Variants in LRRC4C observed in about 807,000 individuals in gnomAD.
The protein encoded by LRRC4C is leucine rich repeat containing 4C.
LRRC4C carries 5 observed loss-of-function variants against 33.6 expected under a neutral mutation model. That is an observed-to-expected ratio of 0.15 (90% CI 0.08 to 0.31). The LOEUF is 0.31. Among genes scored for constraint, LRRC4C ranks in the 10% least tolerant of loss-of-function variants. LRRC4C has a pLI of 1.00. For missense variants in LRRC4C, 560 were observed against 796.7 expected (o/e 0.70, Z 3.58); for synonymous variants, 329 against 302.0 (o/e 1.09, Z -0.93).
intron 5 of LRRC4C, among the ~76,000 whole-genome samples, chr11:40,145,613 G>T (rs931647090): frequency 6.6e-6 from 1 of 152,104 alleles, no homozygotes; most frequent in Non-Finnish European, 1.5e-5. Flanking sequence ...TCATCCATTT[G>T]CCTTACCATA....
At chr11:40,837,961 G>A (rs914169364) in intron 2 of LRRC4C, among the ~76,000 whole-genome samples, 3 of 151,762 alleles carry the variant, frequency 2.0e-5, no homozygotes, top group Non-Finnish European at 4.4e-5. Context: ...ATATATTTTA[G>A]ACTTATAACA....
intron 1 of LRRC4C, among the ~76,000 whole-genome samples, chr11:40,988,208 T>G (rs1425296964): frequency 1.3e-5 from 2 of 152,144 alleles, no homozygotes; most frequent in African/African-American, 4.8e-5. Context: ...GGAGATATTT[T>G]CTCATCATCA....
intron 1 of LRRC4C, among the ~76,000 whole-genome samples, chr11:41,370,976 G>C (rs1952726198): frequency 6.6e-6 from 1 of 152,170 alleles, no homozygotes; most frequent in Non-Finnish European, 1.5e-5. Context: ...AAATGTTTGT[G>C]CTTGTTCTTG....
At chr11:40,132,066 T>C (rs1856679283) in intron 6 of LRRC4C, among the ~76,000 whole-genome samples, 1 of 152,186 alleles carries the variant, frequency 6.6e-6, no homozygotes. Context: ...TCATTAGTCT[T>C]AACATCATAC....
At chr11:40,725,968 T>G (rs2136726206) in intron 2 of LRRC4C, among the ~76,000 whole-genome samples, 1 of 152,182 alleles carries the variant, frequency 6.6e-6, no homozygotes, top group African/African-American at 2.4e-5. Context: ...AAAGTGACAT[T>G]ACAACAAATC....
At chr11:41,127,123 A>C (rs1387684611) in intron 1 of LRRC4C, among the ~76,000 whole-genome samples, 1 of 152,152 alleles carries the variant, frequency 6.6e-6, no homozygotes, top group African/African-American at 2.4e-5. Context: ...TTTTTTCTGT[A>C]TACATTTTAA....
chr11:40,230,384 T>G (rs1865114490), intron 5 of LRRC4C, among the ~76,000 whole-genome samples: 1 of 152,150 alleles, frequency 6.6e-6, no homozygotes, highest in Admixed American at 6.6e-5. Context: ...ATTTGGGGTA[T>G]AAGGGGTGTG....
intron 3 of LRRC4C, among the ~76,000 whole-genome samples, chr11:40,363,472 C>G (rs1948060955): frequency 6.6e-6 from 1 of 152,026 alleles, no homozygotes; most frequent in Admixed American, 6.6e-5. Flanking sequence ...GGCTTAATAC[C>G]TGTGGGTGAC....
chr11:41,295,854 A>T (rs1025324493), intron 1 of LRRC4C, among the ~76,000 whole-genome samples: 5 of 152,224 alleles, frequency 3.3e-5, no homozygotes, highest in Non-Finnish European at 5.9e-5. Context: ...TTAGACATCT[A>T]TTGGCAAGTT....
chr11:41,081,268 A>G (rs11036218), intron 1 of LRRC4C, among the ~76,000 whole-genome samples: 1 of 151,986 alleles, frequency 6.6e-6, no homozygotes, highest in Admixed American at 6.5e-5. Flanking sequence ...AAACAGACTG[A>G]ACTTAAAACT....
At chr11:40,346,403 C>T (rs896769728) in intron 3 of LRRC4C, among the ~76,000 whole-genome samples, 3 of 152,108 alleles carry the variant, frequency 2.0e-5, no homozygotes, top group African/African-American at 7.2e-5. Context: ...TTTGCAGGGA[C>T]ATAGAAGGAG....
chr11:40,538,720 C>G (rs572450549), intron 3 of LRRC4C, among the ~76,000 whole-genome samples: 1 of 152,214 alleles, frequency 6.6e-6, no homozygotes, highest in Non-Finnish European at 1.5e-5. Flanking sequence ...AATTGCCACA[C>G]TGTCTTCCAC....
chr11:40,205,331 T>C (rs1451389632), intron 5 of LRRC4C, among the ~76,000 whole-genome samples: 1 of 152,184 alleles, frequency 6.6e-6, no homozygotes, highest in Non-Finnish European at 1.5e-5. Context: ...CTTTCAGTAA[T>C]GTTTTCTTAA....
intron 1 of LRRC4C, among the ~76,000 whole-genome samples, chr11:40,940,666 C>T (rs1173588305): frequency 1.3e-5 from 2 of 152,092 alleles, no homozygotes; most frequent in African/African-American, 2.4e-5. Context: ...TTTCTAATGC[C>T]TCCAGAACAG....
chr11:40,286,672 T>C (rs948891590), intron 4 of LRRC4C, among the ~76,000 whole-genome samples: 4 of 152,214 alleles, frequency 2.6e-5, no homozygotes, highest in African/African-American at 9.7e-5. Flanking sequence ...TAGCAATTAT[T>C]GAGTGCCAGT....
chr11:40,684,356 T>A (rs1944851008), intron 2 of LRRC4C, among the ~76,000 whole-genome samples: 1 of 151,998 alleles, frequency 6.6e-6, no homozygotes, highest in African/African-American at 2.4e-5. Flanking sequence ...AATGTACGCA[T>A]TAAATTTTGA....
chr11:40,239,473 T>C (rs910597085), intron 5 of LRRC4C, among the ~76,000 whole-genome samples: 12 of 152,190 alleles, frequency 7.9e-5, no homozygotes, highest in Non-Finnish European at 1.5e-5. Flanking sequence ...ATTAGGAAAC[T>C]GAAGGGTCCA....
chr11:40,393,434 A>C (rs948059618), intron 3 of LRRC4C, among the ~76,000 whole-genome samples: 1 of 152,210 alleles, frequency 6.6e-6, no homozygotes, highest in African/African-American at 2.4e-5. Flanking sequence ...TGACACATTA[A>C]GAATGTACTT....
intron 6 of LRRC4C, among the ~76,000 whole-genome samples, chr11:40,118,321 A>G (rs1030745397): frequency 1.3e-5 from 2 of 151,714 alleles, no homozygotes; most frequent in African/African-American, 4.8e-5. Context: ...TGTGGGAGGT[A>G]TTGTTCTAAG....
Sources: gnomAD v4.1 joint callset for allele counts (sites outside exome capture counted in the v4.1 genomes callset) on GRCh38, gnomAD v4.1.1 for gene constraint, MANE v1.5 for transcripts, NCBI Gene and HGNC (gene_info 2026-07-23, HGNC 2026-07-21) for gene names.